Variants in RALGAPA2 observed in about 807,000 individuals in gnomAD.
RALGAPA2 encodes Ral GTPase activating protein catalytic subunit alpha 2, also known as ral GTPase-activating protein subunit alpha-2.
In RALGAPA2, 139 loss-of-function variants were observed where a neutral mutation model predicts 230.4. The ratio of observed to expected loss-of-function variants is 0.60; its 90% confidence interval spans 0.53 to 0.69. The LOEUF (loss-of-function observed/expected upper bound fraction) is 0.69. RALGAPA2 is among the 30% of genes least tolerant of loss of function. RALGAPA2 has a pLI of 0.00. For synonymous variants in RALGAPA2, 847 were observed against 837.8 expected, an observed-to-expected ratio of 1.01 and a Z score of -0.19; for missense variants, 2,163 against 2,276.0, an observed-to-expected ratio of 0.95 and a Z score of 1.01.
At chr20:20,543,590 T>C (rs1398474597) in intron 24 of RALGAPA2, among the ~76,000 whole-genome samples, 3 of 152,124 alleles carry the variant, frequency 2.0e-5, no homozygotes. Flanking sequence ...GGAACATGGA[T>C]GAAGCTGGAA....
At chr20:20,695,351 A>G (rs1430991990) in intron 1 of RALGAPA2, among the ~76,000 whole-genome samples, 1 of 152,254 alleles carries the variant, frequency 6.6e-6, no homozygotes, top group Non-Finnish European at 1.5e-5. Context: ...AGAACTGGGC[A>G]GAAAGACATT....
At chr20:20,569,728 A>C (rs533101018) in intron 23 of RALGAPA2, among the ~76,000 whole-genome samples, 89 of 152,268 alleles carry the variant, frequency 5.8e-4, no homozygotes, top group African/African-American at 2.1e-3. Flanking sequence ...CCACATCAAC[A>C]CATCTTAAAA....
intron 2 of RALGAPA2, among the ~76,000 whole-genome samples, chr20:20,678,659 T>C (rs2068418683): frequency 6.6e-6 from 1 of 152,068 alleles, no homozygotes; most frequent in South Asian, 2.1e-4. Flanking sequence ...CACTCCTCAA[T>C]CTGCAAACAG....
At chr20:20,580,740 C>G (rs1234797562) in intron 20 of RALGAPA2, among the ~76,000 whole-genome samples, 1 of 152,098 alleles carries the variant, frequency 6.6e-6, no homozygotes, top group Non-Finnish European at 1.5e-5. Flanking sequence ...AGACAATGCA[C>G]AGTAAATTTA....
intron 30 of RALGAPA2, 79 bp from the exon 31 acceptor site, chr20:20,521,179 C>T (rs1602634475): frequency 4.7e-6 from 6 of 1,274,244 alleles, no homozygotes; most frequent in African/African-American, 1.5e-5. Context: ...TACTGCAGCA[C>T]TTGGCAGCTA....
chr20:20,456,664 C>T (rs1483931041), intron 37 of RALGAPA2, among the ~76,000 whole-genome samples: 1 of 152,222 alleles, frequency 6.6e-6, no homozygotes, highest in Non-Finnish European at 1.5e-5. Context: ...GGCTGCTGAG[C>T]CAGGTATGCC....
intron 37 of RALGAPA2, among the ~76,000 whole-genome samples, chr20:20,451,485 T>C (rs2060987987): frequency 6.6e-6 from 1 of 152,240 alleles, no homozygotes; most frequent in Non-Finnish European, 1.5e-5. Flanking sequence ...AAAGTGCTCA[T>C]GTGCCAGACT....
chr20:20,598,595 G>T, intron 16 of RALGAPA2: 3 of 366,336 alleles, frequency 8.2e-6, no homozygotes, highest in South Asian at 4.0e-5. Flanking sequence ...GTGATGTGGG[G>T]ATATTAACAA....
At chr20:20,667,866 G>A (rs2068009595) in intron 3 of RALGAPA2, among the ~76,000 whole-genome samples, 1 of 152,156 alleles carries the variant, frequency 6.6e-6, no homozygotes, top group Non-Finnish European at 1.5e-5. Context: ...ACAGTAGAAT[G>A]ACATTGTGCA....
At chr20:20,394,889 C>CAAAAAAAAAAAAAAA (rs10673778) in intron 39 of RALGAPA2, among the ~76,000 whole-genome samples, 1 of 44,648 alleles carries the variant, frequency 2.2e-5, no homozygotes. Flanking sequence ...AATAAATAAG[C>CAAAAAAAAAAAAAAA]AAAAAAAAAA....
intron 16 of RALGAPA2, among the ~76,000 whole-genome samples, chr20:20,593,528 T>C (rs929889789): frequency 1.3e-5 from 2 of 152,266 alleles, no homozygotes; most frequent in Non-Finnish European, 2.9e-5. Flanking sequence ...TTGTTTATTC[T>C]AATTATGCAA....
At chr20:20,541,295 T>C (rs536758454) in intron 24 of RALGAPA2, among the ~76,000 whole-genome samples, 2 of 152,304 alleles carry the variant, frequency 1.3e-5, no homozygotes, top group South Asian at 2.1e-4. Context: ...CTGTGGATAG[T>C]ACCAAACCCT....
intron 31 of RALGAPA2, among the ~76,000 whole-genome samples, chr20:20,517,819 A>G (rs1402312414): frequency 1.3e-5 from 2 of 151,988 alleles, no homozygotes; most frequent in Admixed American, 1.3e-4. Context: ...AAGAAATTAA[A>G]AAAAAAAAAA....
chr20:20,507,097 A>G (rs947265577), intron 33 of RALGAPA2, among the ~76,000 whole-genome samples: 7 of 152,238 alleles, frequency 4.6e-5, no homozygotes, highest in African/African-American at 1.7e-4. Flanking sequence ...TTCACTTAAA[A>G]TATTTGTGAA....
chr20:20,411,222 T>C (rs941275972), intron 38 of RALGAPA2, among the ~76,000 whole-genome samples: 3 of 152,206 alleles, frequency 2.0e-5, no homozygotes, highest in African/African-American at 7.2e-5. Context: ...ATGCATTGGC[T>C]AAATATCCCA....
chr20:20,508,877 G>A (rs1247382720), intron 33 of RALGAPA2, among the ~76,000 whole-genome samples: 1 of 152,212 alleles, frequency 6.6e-6, no homozygotes, highest in African/African-American at 2.4e-5. Context: ...GGTTTTAAGT[G>A]AAGGTTGATC....
chr20:20,707,394 G>C (rs1475375601), intron 1 of RALGAPA2, among the ~76,000 whole-genome samples: 1 of 151,692 alleles, frequency 6.6e-6, no homozygotes, highest in Admixed American at 6.6e-5. Context: ...CAGGAAAAGG[G>C]AAGGAAGAAA....
intron 38 of RALGAPA2, among the ~76,000 whole-genome samples, chr20:20,404,918 A>T (rs182970865): frequency 6.6e-6 from 1 of 152,146 alleles, no homozygotes; most frequent in Admixed American, 6.5e-5. Context: ...TATTCTGGGA[A>T]CCTATGAATA....
chr20:20,712,612 C>CGCG lies in RALGAPA2; in HGVS notation c.-133_-132insCGC. On this transcript the variant is annotated 5_prime_UTR_variant, in exon 1 of 40. Coordinates refer to ENST00000202677, the MANE Select transcript of RALGAPA2 (RefSeq NM_020343.4). This position sits in a 1 kb window ranked among gnomAD's most constrained non-coding sequence, Gnocchi z 5.5. ...CCCCCAGCCCCGCTGCTGCCGCCGC[C>CGCG]GCCGCCGCCGCCGCCGCCTCAGCTG... 1 of 1,181,638 alleles carries CGCG rather than the reference C, an allele frequency of 8.5e-7. No individual in the cohort carries two copies. 73.2% of individuals were successfully genotyped at this position (1,181,638 alleles called of 1,614,324 possible).
Sources: allele counts gnomAD v4.1 joint callset (sites outside exome capture counted in the v4.1 genomes callset), GRCh38; gene constraint gnomAD v4.1.1; non-coding constraint Gnocchi (gnomAD v3.1); transcripts MANE v1.5; gene names NCBI Gene and HGNC (gene_info 2026-07-23, HGNC 2026-07-21).